SLC27A1: variants seen among roughly 807,000 people sequenced by gnomAD.
SLC27A1 encodes long-chain fatty acid transport protein 1.
In SLC27A1, 61 loss-of-function variants were observed where a neutral mutation model predicts 62.2. The ratio of observed to expected loss-of-function variants is 0.98; its 90% CI spans 0.80 to 1.21. SLC27A1 has a LOEUF of 1.21. Ranked by LOEUF, SLC27A1 falls within the 50% of genes most tolerant of loss-of-function variation. The pLI, the probability that SLC27A1 is intolerant of heterozygous loss-of-function variation, is 0.00. For synonymous variants in SLC27A1, 435 were observed against 408.6 expected (o/e 1.06, Z -0.78); for missense variants, 903 against 932.1 (o/e 0.97, Z 0.41).
rs1418250857 is a variant in SLC27A1, at chr19:17,500,511, T to C, written c.1350T>C (p.Leu450=). Residue 450 remains leucine (L), a synonymous_variant, in exon 9 of 12, where the codon CTT becomes CTC. Coordinates refer to ENST00000252595, the MANE Select transcript of SLC27A1 (RefSeq NM_198580.3). ...IPCQAGEPGL[L]VGQINQQDPL... ...TCTCCCTAGGGGAGCCTGGCCTCCT[T>C]GTGGGTCAGATCAACCAACAGGACC... 1 of 1,613,672 alleles carries C rather than the reference T, an allele frequency of 6.2e-7. No homozygotes were observed. Among genetic ancestry groups the C allele is most frequent in the Non-Finnish European group, 8.5e-7 (1 of 1,179,856 alleles).
chr19:17,486,568 T>C lies in SLC27A1; in HGVS notation c.173T>C (p.Leu58Pro), dbSNP rs1347658521. 1 of 1,583,002 alleles carries C rather than the reference T, an allele frequency of 6.3e-7. No homozygotes were observed. The highest frequency in any genetic ancestry group is 8.5e-7 in the Non-Finnish European group (1 of 1,172,142). ...CKTARRDLFGLSVLIRVRLEL... is the reference protein window; with the variant it reads ...CKTARRDLFGPSVLIRVRLEL... ...CCCTCCGTCCTCCCTCCCAGCGGTC[T>C]CTCTGTGCTGATCCGCGTGCGCCTG... Residue 58 changes from leucine to proline, a missense_variant, in exon 2 of 12, where the codon CTC (leucine) becomes CCC (proline). Coordinates refer to ENST00000252595, the MANE Select transcript of SLC27A1 (RefSeq NM_198580.3). This position sits in a 1 kb window ranked among gnomAD's most constrained non-coding sequence, Gnocchi z 6.6.
chr19:17,491,911 ATTTCATCTGTAGGTGCC>A (rs2075298002), intron 6 of SLC27A1, among the ~76,000 whole-genome samples: 2 of 151,940 alleles, frequency 1.3e-5, no homozygotes, highest in African/African-American at 4.8e-5. Context: ...AAAAGAAAAT[ATTTCATCTGTAGGTGCC>A]TTTTCTCTTT....
chr19:17,504,816 C>A lies in SLC27A1; in HGVS notation c.*204C>A, dbSNP rs1451709607. 5 of 714,828 alleles carry A rather than the reference C, an allele frequency of 7.0e-6. No individual in the cohort carries two copies. Among genetic ancestry groups the A allele is most frequent in the Non-Finnish European group, 1.3e-5 (5 of 397,658 alleles). The allele number at this position is 714,828 out of a possible 1,614,324, so 44.3% of individuals were successfully genotyped here. A position where few individuals can be genotyped will look rare whatever the true frequency, so the allele number is the denominator to read the frequency against. ...TGGTGCCCCTGTGTCTGCCTCCTCTCCCTGCTTTTCAGCCTCTGTCTCCTT... is the reference window on the plus strand; with the variant it reads ...TGGTGCCCCTGTGTCTGCCTCCTCTACCTGCTTTTCAGCCTCTGTCTCCTT... On this transcript the variant is annotated 3_prime_UTR_variant, in exon 12 of 12. Transcript: ENST00000252595.
intron 1 of SLC27A1, among the ~76,000 whole-genome samples, chr19:17,472,275 G>C (rs1467170673): frequency 6.6e-6 from 1 of 151,728 alleles, no homozygotes; most frequent in Non-Finnish European, 1.5e-5. Context: ...GACGCCTGTA[G>C]TCCCAGCTAC....
intron 9 of SLC27A1, 38 bp downstream of exon 9, chr19:17,500,670 G>T (rs373440615): frequency 5.7e-5 from 92 of 1,613,928 alleles, no homozygotes; most frequent in Non-Finnish European, 7.6e-5. Context: ...TGGCTGTGCG[G>T]ATGGGGATCC....
chr19:17,504,107 A>G (rs1303962332), intron 11 of SLC27A1, among the ~76,000 whole-genome samples: 2 of 152,114 alleles, frequency 1.3e-5, no homozygotes, highest in Admixed American at 1.3e-4. Flanking sequence ...CTTTATTTAC[A>G]AAAACAGGTG....
chr19:17,470,456 A>C, upstream of SLC27A1: 1 of 1,350,738 alleles, frequency 7.4e-7, no homozygotes, highest in Non-Finnish European at 9.5e-7. Flanking sequence ...GGCTCGCTGT[A>C]GAGGCGGGGG....
intron 11 of SLC27A1, among the ~76,000 whole-genome samples, chr19:17,502,344 G>GTTTTTTTTTTTTTTTTT (rs1231886797): frequency 1.3e-4 from 2 of 15,716 alleles, no homozygotes; most frequent in Non-Finnish European, 2.7e-4. Flanking sequence ...TGTTTTTTTT[G>GTTTTTTTTTTTTTTTTT]TTTTTTTTTT....
At chr19:17,500,161 A>G (rs1352772115) in intron 7 of SLC27A1, 117 bp from the exon 8 acceptor site, 19 of 1,478,636 alleles carry the variant, frequency 1.3e-5, no homozygotes, top group Non-Finnish European at 1.7e-5. Flanking sequence ...AAGGTCACAG[A>G]GCTTAGAATG....
rs1269409887 is a variant in SLC27A1, at chr19:17,492,630, A to AG, written c.996+3513_996+3514insG. ...AGACTCCATCTCAAAAAAAAAAAAA[A>AG]AAAAAGAAAAAGAAATAGAGGACGG... On this transcript the variant is annotated intron_variant, in intron 6 of 11. Transcript: ENST00000252595. 1.1e-3 allele frequency among the ~76,000 whole-genome samples: 161 copies of AG among 149,234 alleles called. 1 individual carries two copies. The Middle Eastern group carries it at 0.027, about 25-fold the overall frequency.
chr19:17,487,743 G>A (rs2075251775), intron 4 of SLC27A1, among the ~76,000 whole-genome samples: 1 of 152,084 alleles, frequency 6.6e-6, no homozygotes, highest in African/African-American at 2.4e-5. Context: ...GCTTGGGGCT[G>A]GACAAAGGCA....
Position 17,493,382 on chromosome 19 carries a change from C to T in SLC27A1, c.997-3873C>T, listed in dbSNP as rs1477730823. Among the ~76,000 whole-genome samples, 7 of 129,268 alleles carry T rather than the reference C, an allele frequency of 5.4e-5. No homozygotes were observed. In the South Asian group the frequency reaches 1.7e-3, roughly 31 times the overall value. The allele number at this position is 129,268 out of a possible 152,430, so 84.8% of individuals were successfully genotyped here. A position where few individuals can be genotyped will look rare whatever the true frequency, so the allele number is the denominator to read the frequency against. On this transcript the variant is annotated intron_variant, in intron 6 of 11. Coordinates refer to ENST00000252595, the MANE Select transcript of SLC27A1 (RefSeq NM_198580.3). ...AGTGGAGGTTGCAGTGAGCCGAGAT[C>T]GCGCCACTGCACTCCAGACTGGGTG...
intron 1 of SLC27A1, among the ~76,000 whole-genome samples, chr19:17,485,209 T>TTTTTG (rs55890614): frequency 7.0e-6 from 1 of 143,676 alleles, no homozygotes; most frequent in Non-Finnish European, 1.5e-5. Context: ...TTTTTTTTTT[T>TTTTTG]GATGGAGTCT....
chr19:17,477,714 G>A (rs1034455612), intron 1 of SLC27A1, among the ~76,000 whole-genome samples: 12 of 151,200 alleles, frequency 7.9e-5, no homozygotes, highest in South Asian at 2.1e-4. Flanking sequence ...CACCATGCCC[G>A]GCTAATTTTT....
At chr19:17,493,947 ACT>A (rs1480260308) in intron 6 of SLC27A1, among the ~76,000 whole-genome samples, 3 of 150,922 alleles carry the variant, frequency 2.0e-5, no homozygotes, top group African/African-American at 7.3e-5. Context: ...TTTCTTTCTT[ACT>A]GTACACGTGC....
upstream of SLC27A1, among the ~76,000 whole-genome samples, chr19:17,469,528 G>C (rs1467402675): frequency 6.6e-6 from 1 of 152,142 alleles, no homozygotes; most frequent in Non-Finnish European, 1.5e-5. Flanking sequence ...AAAAGGAGAG[G>C]GGGTGGGGCA....
At chr19:17,485,712 C>A (rs1306434221) in intron 1 of SLC27A1, among the ~76,000 whole-genome samples, 5 of 151,772 alleles carry the variant, frequency 3.3e-5, no homozygotes. Flanking sequence ...CACCTGTAAT[C>A]CCAGCTACTG....
In SLC27A1 at chr19:17,504,396, G is replaced by A. The variant is rs1445894882; in HGVS notation, c.1784-59G>A. ...CCAGAGGTGCAGGAGAGGATATTGA[G>A]TTGAGGCCTCCCAGAAGCCACCTGC... On this transcript the variant is annotated intron_variant, in intron 11 of 11. Transcript: ENST00000252595. 9 of 1,601,826 alleles carry A rather than the reference G, an allele frequency of 5.6e-6. No homozygotes were observed. In the East Asian group the frequency reaches 1.8e-4, roughly 32 times the overall value.
chr19:17,504,084 G>A (rs548261769), intron 11 of SLC27A1, among the ~76,000 whole-genome samples: 26 of 152,104 alleles, frequency 1.7e-4, no homozygotes, highest in African/African-American at 6.0e-4. Flanking sequence ...TATTGTGCCC[G>A]GCCCCAGTAA....
Sources: allele counts gnomAD v4.1 joint callset (sites outside exome capture counted in the v4.1 genomes callset), GRCh38; gene constraint gnomAD v4.1.1; non-coding constraint Gnocchi (gnomAD v3.1); transcripts MANE v1.5; gene names NCBI Gene and HGNC (gene_info 2026-07-23, HGNC 2026-07-21).